The following DENND2C variants were observed in gnomAD, a reference collection of about 807,000 sequenced individuals.
DENND2C encodes the protein DENN domain-containing protein 2C.
In DENND2C, 72 loss-of-function variants were observed where a neutral mutation model predicts 112.4. The observed-to-expected ratio is 0.64, with a 90% confidence interval of 0.53 to 0.78. The LOEUF is 0.78. DENND2C is among the 30% of genes least tolerant of loss of function. DENND2C has a pLI of 0.00. For missense variants in DENND2C, 992 were observed against 1,113.8 expected (o/e 0.89, Z 1.56); for synonymous variants, 329 against 381.6 (o/e 0.86, Z 1.61).
chr1:114,650,668 C>G (rs1166223172), intron 2 of DENND2C, among the ~76,000 whole-genome samples: 4 of 92,086 alleles, frequency 4.3e-5, no homozygotes, highest in Non-Finnish European at 8.1e-5. Flanking sequence ...AGCGAGACTC[C>G]GTCTCAAAAA....
chr1:114,618,113 T>C (rs1273797295), intron 8 of DENND2C, among the ~76,000 whole-genome samples: 2 of 151,960 alleles, frequency 1.3e-5, no homozygotes, highest in Non-Finnish European at 2.9e-5. Context: ...CTCAGCCTCT[T>C]GAGTAGCTGG....
At chr1:114,620,820 A>G (rs115441305) in intron 7 of DENND2C, among the ~76,000 whole-genome samples, 1,729 of 152,316 alleles carry the variant, frequency 0.011, 27 homozygotes, top group African/African-American at 0.039. Flanking sequence ...CAGAAAACTG[A>G]TAAGAATTAA....
At chr1:114,621,741 G>A (rs1656171487) in intron 7 of DENND2C, among the ~76,000 whole-genome samples, 154 bp downstream of exon 7, 1 of 152,216 alleles carries the variant, frequency 6.6e-6, no homozygotes, top group African/African-American at 2.4e-5. Flanking sequence ...TCTCTAGCAT[G>A]AGCAAAAATT....
At chr1:114,659,482 A>T (rs1657427630) in intron 1 of DENND2C, among the ~76,000 whole-genome samples, 1 of 152,200 alleles carries the variant, frequency 6.6e-6, no homozygotes, top group Non-Finnish European at 1.5e-5. Context: ...AGCCTGAGCT[A>T]CAGAGCTAGA....
rs61752477 is a variant in DENND2C, at chr1:114,625,819, T to G, written c.166A>C (p.Ile56Leu). 0.031 allele frequency: 50,322 copies of G among 1,614,118 alleles called. 979 individuals carry two copies. The highest frequency in any genetic ancestry group is 0.034 in the Non-Finnish European group (39,603 of 1,180,000). Residue 56 changes from isoleucine (I) to leucine (L), a missense_variant, in exon 4 of 21, where the codon ATC (isoleucine) becomes CTC (leucine). Physicochemically the swap from Ile to Leu is conservative, Grantham distance 5 (BLOSUM62 2). Coordinates refer to ENST00000393274, the MANE Select transcript of DENND2C (RefSeq NM_001256404.2). ...FGVRYNCHQE[I>L]RLKKNPIAER... ...GCTATAGGATTTTTCTTAAGACGGA[T>G]CTCTTGGTGACAGTTATATCTCACT...
chr1:114,623,061 G>T lies in DENND2C; in HGVS notation c.982C>A (p.Gln328Lys). The part of the protein sequence containing the change: ...KENPYEDIPV[Q>K]PLPMWRSPSA... ...GGGGATCTCCACATAGGTAAAGGCTGCACTGGAATATCTTCATATGGATTT... is the reference window on the plus strand; with the variant it reads ...GGGGATCTCCACATAGGTAAAGGCTTCACTGGAATATCTTCATATGGATTT... Residue 328 changes from glutamine to lysine, a missense_variant, in exon 6 of 21, where the codon CAG becomes AAG. Coordinates refer to ENST00000393274, the MANE Select transcript of DENND2C (RefSeq NM_001256404.2). 6.2e-7 allele frequency: 1 copy of T among 1,611,716 alleles called. No homozygotes were observed.
Position 114,599,462 on chromosome 1 carries a change from G to A in DENND2C, c.2106-11C>T, listed in dbSNP as rs762836274. The A allele has an allele frequency of 1.9e-6, 3 of 1,607,508 alleles. No individual in the cohort carries two copies. Among genetic ancestry groups the A allele is most frequent in the South Asian group, 1.1e-5 (1 of 90,110 alleles). ...CATTTTGACAGGGTGCTAGCCAGAGGAGAAAACAAATGGTGTCATATATAG... is the reference window on the plus strand; with the variant it reads ...CATTTTGACAGGGTGCTAGCCAGAGAAGAAAACAAATGGTGTCATATATAG... On this transcript the variant is annotated splice_polypyrimidine_tract_variant and intron_variant, in intron 15 of 20. Transcript: ENST00000393274.
At position 114,587,860 on chromosome 1, in the gene DENND2C, G is replaced by T. The variant is rs374705348; in HGVS notation, c.2524C>A (p.Arg842Ser). The change falls in exon 19 of 21, where the codon CGT (arginine) becomes AGT (serine). Residue 842 changes from arginine to serine, a missense_variant. Arg to Ser is a moderately radical substitution (Grantham distance 110). This residue lies in a region of DENND2C where 516 missense variants were observed against 623.6 expected (regional missense o/e 0.83). Coordinates refer to ENST00000393274, the MANE Select transcript of DENND2C (RefSeq NM_001256404.2). ...HYSLNMTVTE[R>S]GERVFQREPF... The stretch of plus-strand genomic sequence containing the variant: ...TCCCTTTGGAAAACACGCTCCCCAC[G>T]CTCAGTGACAGTCATGTTCAAAGAA... 7 of 1,613,900 alleles carry T rather than the reference G, an allele frequency of 4.3e-6. No individual in the cohort carries two copies. The African/African-American group carries it at 9.3e-5, about 22-fold the overall frequency.
intron 14 of DENND2C, 89 bp from the exon 15 acceptor site, chr1:114,600,441 T>C (rs1175456966): frequency 5.2e-6 from 8 of 1,524,244 alleles, no homozygotes; most frequent in Non-Finnish European, 7.2e-6. Context: ...CTTATATAAG[T>C]TAAATTCAAG....
intron 1 of DENND2C, among the ~76,000 whole-genome samples, chr1:114,668,460 A>T (rs1657703212): frequency 1.3e-5 from 2 of 152,016 alleles, no homozygotes; most frequent in South Asian, 2.1e-4. Flanking sequence ...GCTTATTGTC[A>T]TTAAGAAAAA....
At chr1:114,611,399 A>G (rs1406301809) in intron 8 of DENND2C, among the ~76,000 whole-genome samples, 2 of 99,610 alleles carry the variant, frequency 2.0e-5, no homozygotes, top group African/African-American at 8.9e-5. Flanking sequence ...ATTTCAGACC[A>G]GTTTTAAGAG....
At chr1:114,652,661 CTT>C (rs55647145) in intron 2 of DENND2C, among the ~76,000 whole-genome samples, 44,825 of 107,758 alleles carry the variant, frequency 0.42, 9,711 homozygotes, top group South Asian at 0.5. Context: ...CTTACATTTA[CTT>C]TTTTTTTTTT....
chr1:114,667,508 G>T (rs1385753005), intron 1 of DENND2C, among the ~76,000 whole-genome samples: 1 of 152,084 alleles, frequency 6.6e-6, no homozygotes, highest in African/African-American at 2.4e-5. Context: ...TGCCATAACT[G>T]TTGTTACTGA....
intron 3 of DENND2C, among the ~76,000 whole-genome samples, chr1:114,629,490 G>T (rs1656431961): frequency 6.6e-6 from 1 of 152,110 alleles, no homozygotes; most frequent in South Asian, 2.1e-4. Context: ...TGTTGGCCAG[G>T]CTGGTTTCGA....
chr1:114,589,959 T>C (rs1019241900), intron 18 of DENND2C, among the ~76,000 whole-genome samples: 1 of 152,230 alleles, frequency 6.6e-6, no homozygotes, highest in Non-Finnish European at 1.5e-5. Context: ...TGTTATTCCC[T>C]TGCCCTGCAT....
Position 114,623,000 on chromosome 1 carries a change from A to G in DENND2C, c.1043T>C (p.Phe348Ser), listed in dbSNP as rs1156294651. The change falls in exon 6 of 21, where the codon TTT (phenylalanine) becomes TCT (serine). Residue 348 changes from phenylalanine (F) to serine (S), a missense_variant. This residue lies in a region of DENND2C where 470 missense variants were observed against 472.7 expected (regional missense o/e 0.99). Coordinates refer to ENST00000393274, the MANE Select transcript of DENND2C (RefSeq NM_001256404.2). ...AWKLPPAKSA[F>S]KAPKLPPKPQ... is the part of the protein sequence containing the mutation. ...ATCTGGTTATACCTTGGGTGCTTTA[A>G]AAGCACTTTTAGCGGGTGGTAGCTT... 6.2e-7 allele frequency: 1 copy of G among 1,612,414 alleles called. No individual in the cohort carries two copies. Among genetic ancestry groups the G allele is most frequent in the Admixed American group, 1.7e-5 (1 of 59,774 alleles).
At chr1:114,618,134 G>A (rs961736933) in intron 8 of DENND2C, among the ~76,000 whole-genome samples, 2 of 152,034 alleles carry the variant, frequency 1.3e-5, no homozygotes, top group African/African-American at 2.4e-5. Flanking sequence ...GACTACAGGC[G>A]CCCGCCACCA....
chr1:114,622,010 T>A lies in DENND2C; in HGVS notation c.1112A>T (p.Gln371Leu), dbSNP rs1291821023. The A allele has an allele frequency of 8.4e-6, 13 of 1,550,400 alleles. No homozygotes were observed. The highest frequency in any genetic ancestry group is 1.4e-5 in the African/African-American group (1 of 72,986). The change falls in exon 7 of 21, where the codon CAG (glutamine) becomes CTG (leucine). Residue 371 changes from glutamine to leucine, a missense_variant. Physicochemically the swap from Gln to Leu is moderately radical, Grantham distance 113 (BLOSUM62 -2). Transcript: ENST00000393274. ...TGTAAGCTTTGACCGCAAATAAGCCTGTGAGTTCTTTACTTCCATAGTCTT... is the reference window on the plus strand; with the variant it reads ...TGTAAGCTTTGACCGCAAATAAGCCAGTGAGTTCTTTACTTCCATAGTCTT... ...HRKTMEVKNS[Q>L]AYLRSKLTKD...
At position 114,583,926 on chromosome 1, in the gene DENND2C, T is replaced by C. The variant is rs926461699; in HGVS notation, c.*1674A>G. ...CAATCACTACTACTACTACTTTAGA[T>C]ATTAAAGGTCTGGATGACTAAGTGG... On this transcript the variant is annotated 3_prime_UTR_variant, in exon 21 of 21. Coordinates refer to ENST00000393274, the MANE Select transcript of DENND2C (RefSeq NM_001256404.2). 4 of 151,860 alleles carry C rather than the reference T, an allele frequency of 2.6e-5. No homozygotes were observed. Among genetic ancestry groups the C allele is most frequent in the African/African-American group, 9.7e-5 (4 of 41,336 alleles). The allele number at this position is 151,860 out of a possible 1,614,324, so 9.4% of individuals were successfully genotyped here. A position where few individuals can be genotyped will look rare whatever the true frequency, so the allele number is the denominator to read the frequency against.
Sources: gnomAD v4.1 joint callset for allele counts (sites outside exome capture counted in the v4.1 genomes callset) on GRCh38, gnomAD v4.1.1 for gene constraint, gnomAD v4.1.1 regional missense constraint, MANE v1.5 for transcripts, NCBI Gene and HGNC (gene_info 2026-07-23, HGNC 2026-07-21) for gene names.